PYROXD2: variants seen among roughly 807,000 people sequenced by gnomAD.
The protein encoded by PYROXD2 is pyridine nucleotide-disulfide oxidoreductase domain-containing protein 2.
Under a neutral mutation model 71.1 loss-of-function variants are expected in PYROXD2, and 69 were observed. That is an observed-to-expected ratio of 0.97 (90% confidence interval 0.80 to 1.19). The LOEUF (loss-of-function observed/expected upper bound fraction) is 1.19, where lower values mean the gene tolerates loss of function less well. Among genes scored for constraint, PYROXD2 ranks in the 50% most tolerant of loss-of-function variants. The pLI is 0.00. For synonymous variants in PYROXD2, 287 were observed against 302.7 expected, an observed-to-expected ratio of 0.95 and a Z score of 0.54; for missense variants, 745 against 748.9, an observed-to-expected ratio of 0.99 and a Z score of 0.06.
At position 98,393,094 on chromosome 10, in the gene PYROXD2, A is replaced by C; in HGVS notation, c.786-11T>G. On this transcript the variant is annotated splice_polypyrimidine_tract_variant and intron_variant, in intron 8 of 15. Transcript: ENST00000370575. ...TGCAGCAGCACATACCTGTGGACAG[A>C]CCATCCGACTCAGATCCTGGAGGTG... 1 of 1,521,744 alleles carries C rather than the reference A, an allele frequency of 6.6e-7. No homozygotes were observed. Among genetic ancestry groups the C allele is most frequent in the Non-Finnish European group, 8.7e-7 (1 of 1,143,692 alleles). 94.3% of individuals were successfully genotyped at this position (1,521,744 alleles called of 1,614,324 possible).
At position 98,384,989 on chromosome 10, in the gene PYROXD2, G is replaced by C; in HGVS notation, c.1633C>G (p.Pro545Ala). The C allele has an allele frequency of 6.2e-7, 1 of 1,613,926 alleles. No homozygotes were observed. The highest frequency in any genetic ancestry group is 1.1e-5 in the South Asian group (1 of 91,034). ...CCACAGAGATACAGGCCCTGGAGAG[G>C]GCAGCGGTAGCCAGAATGCAGGGGC... ...PVPLHSGYRC[P>A]LQGLYLCGSG... is the part of the protein sequence containing the mutation. The change falls in exon 15 of 16, where the codon CCT becomes GCT. Residue 545 changes from proline (P) to alanine (A), a missense_variant. Physicochemically the swap from Pro to Ala is conservative, Grantham distance 27. Transcript: ENST00000370575.
intron 5 of PYROXD2, among the ~76,000 whole-genome samples, chr10:98,398,582 C>A (rs1033740857): frequency 5.3e-5 from 8 of 152,196 alleles, no homozygotes; most frequent in Admixed American, 2.0e-4. Context: ...TCTAAGCAGG[C>A]CTTTAATATG....
chr10:98,388,627 G>A lies in PYROXD2; in HGVS notation c.1293-119C>T, dbSNP rs77123158. 1.2e-4 allele frequency: 134 copies of A among 1,132,668 alleles called. No individual in the cohort carries two copies. The African/African-American group carries it at 1.6e-3, about 13-fold the overall frequency. The allele number at this position is 1,132,668 out of a possible 1,614,324, so 70.2% of individuals were successfully genotyped here. A position where few individuals can be genotyped will look rare whatever the true frequency, so the allele number is the denominator to read the frequency against. ...ATGACACCAATTCTGGGCGATTGTC[G>A]CTCTACAGCCACAGTGGTTGTCCAC... On this transcript the variant is annotated intron_variant, in intron 12 of 15. Transcript: ENST00000370575.
At position 98,400,221 on chromosome 10, in the gene PYROXD2, AGTAGGG is replaced by A; in HGVS notation, c.346_351del (p.Pro116_Tyr117del). ...CCCTCTTCCAGCATGGGGGTGAAGG[AGTAGGG>A]GTTTCGAAGATGAAGCCTCAGCCCA... On this transcript the variant is annotated inframe_deletion, in exon 5 of 16. Coordinates refer to ENST00000370575, the MANE Select transcript of PYROXD2 (RefSeq NM_032709.3). 6.2e-7 allele frequency: 1 copy of A among 1,612,258 alleles called. No homozygotes were observed. Among genetic ancestry groups the A allele is most frequent in the Non-Finnish European group, 8.5e-7 (1 of 1,179,048 alleles).
At chr10:98,399,227 G>A (rs1281570555) in intron 5 of PYROXD2, among the ~76,000 whole-genome samples, 1 of 152,210 alleles carries the variant, frequency 6.6e-6, no homozygotes, top group Non-Finnish European at 1.5e-5. Flanking sequence ...ACTGCTGGTG[G>A]AAGAGACATG....
At chr10:98,403,097 G>A (rs535775469) in intron 4 of PYROXD2, among the ~76,000 whole-genome samples, 2 of 152,352 alleles carry the variant, frequency 1.3e-5, no homozygotes, top group Admixed American at 1.3e-4. Context: ...CGCAGCTCTG[G>A]ACACTCTGTG....
chr10:98,390,360 C>A (rs773990080), intron 12 of PYROXD2, among the ~76,000 whole-genome samples: 5 of 152,184 alleles, frequency 3.3e-5, no homozygotes, highest in Admixed American at 6.5e-5. Flanking sequence ...CTGGGCAGTG[C>A]TCTGCCCCTC....
At chr10:98,411,002 G>T in intron 1 of PYROXD2, 44 bp from the exon 2 acceptor site, 1 of 1,554,654 alleles carries the variant, frequency 6.4e-7, no homozygotes, top group Non-Finnish European at 8.7e-7. Flanking sequence ...ACTGGTCAGC[G>T]GGCGGGCAGA....
At chr10:98,390,856 G>A in intron 11 of PYROXD2, 102 bp from the exon 12 acceptor site, 1 of 1,460,202 alleles carries the variant, frequency 6.8e-7, no homozygotes, top group Non-Finnish European at 9.4e-7. Flanking sequence ...AGGAAAGTAT[G>A]AGCAAGTGTT....
chr10:98,411,782 A>T (rs1284976049), intron 1 of PYROXD2: 1 of 152,200 alleles, frequency 6.6e-6, no homozygotes, highest in African/African-American at 2.4e-5. Context: ...GTTTCACAGA[A>T]CCAAAAGTTT....
Position 98,407,622 on chromosome 10 carries a change from C to A in PYROXD2, c.275G>T (p.Ser92Ile). The change falls in exon 4 of 16, where the codon AGC becomes ATC. Residue 92 changes from serine to isoleucine, a missense_variant. Ser to Ile is a moderately radical substitution (Grantham distance 142). Transcript: ENST00000370575. ...FKFSRASYLLSLLRPQIYTDL... is the reference protein window; with the variant it reads ...FKFSRASYLLILLRPQIYTDL... ...AGTGTAAATCTGCGGCCTCAGCAGG[C>A]TGAGCAGGTAGGACGCGCGGGAGAA... 1 of 1,613,992 alleles carries A rather than the reference C, an allele frequency of 6.2e-7. No individual in the cohort carries two copies. The highest frequency in any genetic ancestry group is 1.1e-5 in the South Asian group (1 of 91,072).
intron 15 of PYROXD2, among the ~76,000 whole-genome samples, chr10:98,384,286 C>T (rs1842681271): frequency 6.6e-6 from 1 of 152,114 alleles, no homozygotes; most frequent in African/African-American, 2.4e-5. Context: ...TTGGAATGCG[C>T]ACAAGAAAGA....
intron 12 of PYROXD2, among the ~76,000 whole-genome samples, chr10:98,388,730 T>C (rs1258138404): frequency 6.6e-6 from 1 of 151,918 alleles, no homozygotes; most frequent in African/African-American, 2.4e-5. Flanking sequence ...CCCGAATGCA[T>C]GGCCTGTCCT....
At chr10:98,406,465 C>T (rs1843600243) in intron 4 of PYROXD2, among the ~76,000 whole-genome samples, 1 of 152,184 alleles carries the variant, frequency 6.6e-6, no homozygotes, top group South Asian at 2.1e-4. Context: ...TTCATCCAGT[C>T]CTGGTACCAG....
chr10:98,389,636 C>T (rs972265334), intron 12 of PYROXD2, among the ~76,000 whole-genome samples: 1 of 152,342 alleles, frequency 6.6e-6, no homozygotes, highest in African/African-American at 2.4e-5. Flanking sequence ...GACCTTCCCT[C>T]TGTCTGGACG....
intron 4 of PYROXD2, among the ~76,000 whole-genome samples, chr10:98,400,951 T>C (rs139768475): frequency 6.2e-4 from 94 of 152,218 alleles, no homozygotes; most frequent in Middle Eastern, 3.4e-3. Flanking sequence ...CCAATGGTAT[T>C]TGGGTATCTA....
At position 98,415,087 on chromosome 10, in the gene PYROXD2, A is replaced by G; in HGVS notation, c.49T>C (p.Phe17Leu). 6.2e-7 allele frequency: 1 copy of G among 1,613,982 alleles called. No homozygotes were observed. Among genetic ancestry groups the G allele is most frequent in the Non-Finnish European group, 8.5e-7 (1 of 1,179,900 alleles). The change falls in exon 1 of 16, where the codon TTC becomes CTC. Residue 17 changes from phenylalanine to leucine, a missense_variant. Coordinates refer to ENST00000370575, the MANE Select transcript of PYROXD2 (RefSeq NM_032709.3). The part of the protein sequence containing the change: ...GLCKAVAASP[F>L]PAWRRDNTEA... ...GTGTTATCTCGTCTCCACGCCGGGAAGGGAGAGGCGGCCACAGCCTTGCAG... is the reference window on the plus strand; with the variant it reads ...GTGTTATCTCGTCTCCACGCCGGGAGGGGAGAGGCGGCCACAGCCTTGCAG...
In PYROXD2 at chr10:98,395,182, C is replaced by G. The variant is rs536347885; in HGVS notation, c.785+14G>C. 4.0e-5 allele frequency: 65 copies of G among 1,606,204 alleles called. No homozygotes were observed. In the African/African-American group the frequency reaches 8.0e-4, roughly 20 times the overall value. On this transcript the variant is annotated intron_variant, in intron 8 of 15. Coordinates refer to ENST00000370575, the MANE Select transcript of PYROXD2 (RefSeq NM_032709.3). ...TGCCCCACTCCTGTGTCCCACCTCA[C>G]CCCCCTCACTCACCCACTCCCCGGA...
chr10:98,400,603 A>C (rs1343608424), intron 4 of PYROXD2, among the ~76,000 whole-genome samples: 1 of 151,792 alleles, frequency 6.6e-6, no homozygotes, highest in Non-Finnish European at 1.5e-5. Context: ...ACCCTACCAC[A>C]CCATGTGATA....
Sources: allele counts gnomAD v4.1 joint callset (sites outside exome capture counted in the v4.1 genomes callset), GRCh38; gene constraint gnomAD v4.1.1; transcripts MANE v1.5; gene names NCBI Gene and HGNC (gene_info 2026-07-23, HGNC 2026-07-21).